The following KIAA0930 variants were observed in gnomAD, a reference collection of about 807,000 sequenced individuals.
KIAA0930 encodes the protein KIAA0930, also known as uncharacterized protein KIAA0930.
Under a neutral mutation model 43.9 loss-of-function variants are expected in KIAA0930, and 24 were observed. That is an observed-to-expected ratio of 0.55 (90% CI 0.40 to 0.77). KIAA0930 has a LOEUF of 0.77. Ranked by LOEUF, KIAA0930 falls within the 30% of genes least tolerant of loss-of-function variation. The pLI is 0.00. For missense variants in KIAA0930, 461 were observed against 574.2 expected, an observed-to-expected ratio of 0.80 and a Z score of 2.02; for synonymous variants, 259 against 216.4, an observed-to-expected ratio of 1.20 and a Z score of -1.73.
At chr22:45,235,094 C>T (rs535167930) in intron 1 of KIAA0930, among the ~76,000 whole-genome samples, 1 of 152,172 alleles carries the variant, frequency 6.6e-6, no homozygotes, top group East Asian at 1.9e-4. Context: ...AGTGGTGTGG[C>T]TGACACAAGC....
intron 2 of KIAA0930, among the ~76,000 whole-genome samples, chr22:45,209,807 T>C (rs770253473): frequency 7.9e-5 from 12 of 152,312 alleles, no homozygotes; most frequent in South Asian, 2.1e-4. Flanking sequence ...TGTAAACAGC[T>C]GGACTGCCAC....
chr22:45,205,864 T>C lies in KIAA0930; in HGVS notation c.265A>G (p.Lys89Glu). The change falls in exon 3 of 10, where the codon AAG (lysine) becomes GAG (glutamate). Residue 89 changes from lysine (K) to glutamate (E), a missense_variant. By Grantham distance (56) the Lys-to-Glu change is moderately conservative (BLOSUM62 1). Coordinates refer to ENST00000336156, the MANE Select transcript of KIAA0930 (RefSeq NM_001009880.2). Reference sequence around the variant, plus strand: ...TCAGGGTCTCCCAGGCCTGGCAGCTTCTTGGAGTCCCGCCGGTACACCTCC... The same window carrying C: ...TCAGGGTCTCCCAGGCCTGGCAGCTCCTTGGAGTCCCGCCGGTACACCTCC... ...EVEVYRRDSK[K>E]LPGLGDPDID... The C allele has an allele frequency of 1.2e-6, 2 of 1,610,868 alleles. No individual in the cohort carries two copies. The highest frequency in any genetic ancestry group is 1.7e-6 in the Non-Finnish European group (2 of 1,178,682).
chr22:45,229,042 C>T (rs1203804263), intron 1 of KIAA0930, among the ~76,000 whole-genome samples: 1 of 104,422 alleles, frequency 9.6e-6, no homozygotes, highest in Non-Finnish European at 1.9e-5. Context: ...CCTCTCCACC[C>T]CCCCACCACC....
Position 45,199,886 on chromosome 22 carries a change from C to G in KIAA0930, c.1002G>C (p.Glu334Asp). 6.3e-7 allele frequency: 1 copy of G among 1,583,504 alleles called. No homozygotes were observed. Among genetic ancestry groups the G allele is most frequent in the African/African-American group, 1.4e-5 (1 of 73,996 alleles). ...GTGGGGGGTCACCTCCACCGTCGTCCTCCCGGAAGAACTCCTCGCTGTCGT... is the reference window on the plus strand; with the variant it reads ...GTGGGGGGTCACCTCCACCGTCGTCGTCCCGGAAGAACTCCTCGCTGTCGT... ...SANDSEEFFR[E>D]DDGGADLHNA... is the part of the protein sequence containing the mutation. Residue 334 changes from glutamate (E) to aspartate (D), a missense_variant, in exon 8 of 10, where the codon GAG (glutamate) becomes GAC (aspartate). Glu to Asp is a conservative substitution (Grantham distance 45, BLOSUM62 2). Coordinates refer to ENST00000336156, the MANE Select transcript of KIAA0930 (RefSeq NM_001009880.2).
chr22:45,205,205 T>C lies in KIAA0930; in HGVS notation c.516+12A>G. On this transcript the variant is annotated intron_variant, in intron 5 of 9. Transcript: ENST00000336156. Reference sequence around the variant, plus strand: ...GGGGAAGCTAAGGAGAGAGGCCCTGTGCAGAGCTCACCTCCTCGAAGCTGT... The same window carrying C: ...GGGGAAGCTAAGGAGAGAGGCCCTGCGCAGAGCTCACCTCCTCGAAGCTGT... The C allele has an allele frequency of 6.2e-7, 1 of 1,600,978 alleles. No individual in the cohort carries two copies. Among genetic ancestry groups the C allele is most frequent in the South Asian group, 1.1e-5 (1 of 90,832 alleles).
At chr22:45,201,007 C>T (rs776038412) in intron 7 of KIAA0930, 1 of 533,040 alleles carries the variant, frequency 1.9e-6, no homozygotes, top group South Asian at 1.4e-5. Context: ...TGGCCCATCT[C>T]CTCCCTCCTC....
At chr22:45,211,857 T>G (rs1183996024) in intron 2 of KIAA0930, 99 bp downstream of exon 2, 3 of 1,185,204 alleles carry the variant, frequency 2.5e-6, no homozygotes, top group Non-Finnish European at 3.6e-6. Context: ...CTCTTTGATA[T>G]GCATGAGCAC....
chr22:45,229,242 A>ATG (rs149687165), intron 1 of KIAA0930, among the ~76,000 whole-genome samples: 1 of 15,226 alleles, frequency 6.6e-5, no homozygotes, highest in African/African-American at 4.3e-4. Flanking sequence ...ATCCCTCTCC[A>ATG]CCCCCCAACC....
chr22:45,223,097 G>A (rs76099708), intron 1 of KIAA0930, among the ~76,000 whole-genome samples: 3,093 of 152,232 alleles, frequency 0.02, 102 homozygotes, highest in African/African-American at 0.07. Context: ...ACCTACATAA[G>A]ATTCTTTAAG....
intron 1 of KIAA0930, chr22:45,212,317 C>A: frequency 6.2e-7 from 1 of 1,612,800 alleles, no homozygotes. Context: ...CCCAGTTCCT[C>A]CACTCAGCAG....
chr22:45,215,173 G>A (rs11704832), intron 1 of KIAA0930, among the ~76,000 whole-genome samples: 20,511 of 152,124 alleles, frequency 0.13, 1,574 homozygotes, highest in Non-Finnish European at 0.18. Flanking sequence ...AGTCGAGATT[G>A]TGCCACTGCA....
In KIAA0930 at chr22:45,197,148, C is replaced by T. The variant is rs576477636; in HGVS notation, c.*28G>A. The stretch of plus-strand genomic sequence containing the variant: ...CAGCACTCCGAGGGCTGGGCCCGGC[C>T]GGGGCTCTGCGCAGGCTCCGCACGC... On this transcript the variant is annotated 3_prime_UTR_variant, in exon 10 of 10. Coordinates refer to ENST00000336156, the MANE Select transcript of KIAA0930 (RefSeq NM_001009880.2). 2.1e-4 allele frequency: 329 copies of T among 1,534,178 alleles called. No individual in the cohort carries two copies. Among genetic ancestry groups the T allele is most frequent in the Admixed American group, 2.8e-4 (14 of 49,242 alleles).
At chr22:45,229,625 A>G (rs908295550) in intron 1 of KIAA0930, among the ~76,000 whole-genome samples, 2 of 152,216 alleles carry the variant, frequency 1.3e-5, no homozygotes, top group African/African-American at 4.8e-5. Context: ...CCTAGAGCCA[A>G]GGGCCCCCCT....
Position 45,226,319 on chromosome 22 carries a change from C to G in KIAA0930, c.65-14212G>C, listed in dbSNP as rs868448915. ...CCTTCAAGTCCGGGCACCTGGCAAG[C>G]TCGTGGGGTTGGGCTTCGTATCCAG... On this transcript the variant is annotated intron_variant, in intron 1 of 9. Coordinates refer to ENST00000336156, the MANE Select transcript of KIAA0930 (RefSeq NM_001009880.2). The G allele has an allele frequency of 3.0e-5, 14 of 471,010 alleles. No homozygotes were observed. The Admixed American group carries it at 3.3e-4, about 11-fold the overall frequency. 29.2% of individuals were successfully genotyped at this position (471,010 alleles called of 1,614,324 possible).
chr22:45,219,096 T>G (rs2083751585), intron 1 of KIAA0930, among the ~76,000 whole-genome samples: 1 of 152,202 alleles, frequency 6.6e-6, no homozygotes, highest in Admixed American at 6.5e-5. Flanking sequence ...CAATATGGGA[T>G]GGGGGAAGAC....
At chr22:45,213,292 A>AGCCCTCT (rs1406650434) in intron 1 of KIAA0930, 1 of 1,300,594 alleles carries the variant, frequency 7.7e-7, no homozygotes. Flanking sequence ...CTCTGCCCTC[A>AGCCCTCT]GCCCTCTGCC....
At chr22:45,234,878 CTT>C (rs1320476444) in intron 1 of KIAA0930, among the ~76,000 whole-genome samples, 1 of 152,310 alleles carries the variant, frequency 6.6e-6, no homozygotes, top group East Asian at 1.9e-4. Flanking sequence ...ATCAAGTACT[CTT>C]TTAAAAACCT....
intron 1 of KIAA0930, among the ~76,000 whole-genome samples, chr22:45,229,750 C>T (rs1418019925): frequency 6.6e-6 from 1 of 152,194 alleles, no homozygotes; most frequent in Non-Finnish European, 1.5e-5. Context: ...TGGGGCAGGT[C>T]ACCAAGGGTC....
chr22:45,208,658 T>TG (rs1350771124), intron 2 of KIAA0930, among the ~76,000 whole-genome samples: 3 of 152,192 alleles, frequency 2.0e-5, no homozygotes, highest in Non-Finnish European at 2.9e-5. Context: ...ACTCTGTATC[T>TG]GGGGGCTGGT....
Sources: gnomAD v4.1 joint callset for allele counts (sites outside exome capture counted in the v4.1 genomes callset) on GRCh38, gnomAD v4.1.1 for gene constraint, MANE v1.5 for transcripts, NCBI Gene and HGNC (gene_info 2026-07-23, HGNC 2026-07-21) for gene names.